The following DAPK2 variants were observed in gnomAD, a reference collection of about 807,000 sequenced individuals.
DAPK2 encodes death associated protein kinase 2.
DAPK2 carries 35 observed loss-of-function variants against 44.1 expected under a neutral mutation model. That is an observed-to-expected ratio of 0.79 (90% confidence interval 0.61 to 1.05). The LOEUF is 1.05. Among genes scored for constraint, DAPK2 ranks in the 50% least tolerant of loss-of-function variants. DAPK2 has a pLI of 0.00. For synonymous variants in DAPK2, 174 were observed against 182.6 expected (o/e 0.95, Z 0.38); for missense variants, 453 against 483.2 (o/e 0.94, Z 0.59).
chr15:63,946,283 G>A (rs1258674472), intron 3 of DAPK2, among the ~76,000 whole-genome samples: 1 of 152,250 alleles, frequency 6.6e-6, no homozygotes, highest in Non-Finnish European at 1.5e-5. Flanking sequence ...CCCATGGCCT[G>A]TGGGCCCAGC....
At chr15:64,002,950 GTGTGTGTGTGTGTGTC>G (rs1475514742) in intron 1 of DAPK2, among the ~76,000 whole-genome samples, 2 of 134,608 alleles carry the variant, frequency 1.5e-5, no homozygotes, top group African/African-American at 5.6e-5. Context: ...GTGTGTGTGT[GTGTGTGTGTGTGTGTC>G]GTGGGACCTG....
chr15:64,036,804 G>C (rs2080224390), intron 1 of DAPK2, among the ~76,000 whole-genome samples: 1 of 152,112 alleles, frequency 6.6e-6, no homozygotes, highest in Admixed American at 6.6e-5. Context: ...CCAGACATCA[G>C]GATGATCCCC....
At chr15:63,961,665 T>C (rs2077904092) in intron 3 of DAPK2, among the ~76,000 whole-genome samples, 1 of 152,250 alleles carries the variant, frequency 6.6e-6, no homozygotes, top group African/African-American at 2.4e-5. Flanking sequence ...TGTTGAATAT[T>C]GGCCCCCACT....
intron 2 of DAPK2, among the ~76,000 whole-genome samples, chr15:63,982,187 C>CTTTTTTTTTTTTTTTTTTTTTT: frequency 9.3e-6 from 1 of 107,874 alleles, no homozygotes; most frequent in Non-Finnish European, 1.8e-5. Context: ...TCAGAATATT[C>CTTTTTTTTTTTTTTTTTTTTTT]TTTTTTTTTT....
At chr15:63,958,636 T>C (rs2077796022) in intron 3 of DAPK2, among the ~76,000 whole-genome samples, 1 of 152,214 alleles carries the variant, frequency 6.6e-6, no homozygotes. Flanking sequence ...CTTGTTTTTG[T>C]CAGGTTTGTC....
chr15:64,018,583 G>A (rs332285), intron 1 of DAPK2, among the ~76,000 whole-genome samples: 148,021 of 152,222 alleles, frequency 0.97, 72,110 homozygotes, highest in East Asian at 1. Flanking sequence ...CACCTGTCCC[G>A]TGGTTCTCTG....
intron 1 of DAPK2, among the ~76,000 whole-genome samples, chr15:64,032,108 C>T (rs557216113): frequency 1.6e-3 from 236 of 152,238 alleles, no homozygotes; most frequent in African/African-American, 5.3e-3. Context: ...GTAGAGGAGA[C>T]GGACAGATAA....
At chr15:63,976,728 G>A (rs1219430158) in intron 2 of DAPK2, among the ~76,000 whole-genome samples, 1 of 152,182 alleles carries the variant, frequency 6.6e-6, no homozygotes, top group Non-Finnish European at 1.5e-5. Flanking sequence ...AAAAAAACAG[G>A]TTGAGATGTG....
At chr15:64,029,967 G>A (rs1276262457) in intron 1 of DAPK2, 1 of 152,674 alleles carries the variant, frequency 6.5e-6, no homozygotes, top group African/African-American at 2.4e-5. Context: ...CTGGTGTAGG[G>A]AGCCCCTCTC....
At chr15:64,031,289 G>C (rs1360911979) in intron 1 of DAPK2, among the ~76,000 whole-genome samples, 1 of 151,484 alleles carries the variant, frequency 6.6e-6, no homozygotes, top group East Asian at 1.9e-4. Context: ...CAGGAGTGTA[G>C]TGGTGCAATC....
At chr15:63,907,770 A>G (rs902683248) in exon 11 of DAPK2, 1 of 152,212 alleles carries the variant, frequency 6.6e-6, no homozygotes, top group Non-Finnish European at 1.5e-5. Flanking sequence ...GGAAGCAAGG[A>G]GGAGGCAGGC....
rs1311045259 is a variant in DAPK2, at chr15:63,990,882, A to G, written c.93-7128T>C. Among the ~76,000 whole-genome samples, 1 of 152,118 alleles carries G rather than the reference A, an allele frequency of 6.6e-6. No homozygotes were observed. The highest frequency in any genetic ancestry group is 1.5e-5 in the Non-Finnish European group (1 of 68,018). On this transcript the variant is annotated intron_variant, in intron 1 of 10. Coordinates refer to ENST00000261891, the Ensembl canonical transcript of DAPK2. The surrounding 1 kb of genome is among the most constrained non-coding windows in gnomAD (Gnocchi z 4.3). Reference sequence around the variant, plus strand: ...AACCAGGTCAGCCTGATCCCGGAGGACCCACACCCACATCCCACAGCCACA... The same window carrying G: ...AACCAGGTCAGCCTGATCCCGGAGGGCCCACACCCACATCCCACAGCCACA...
intron 1 of DAPK2, among the ~76,000 whole-genome samples, chr15:64,022,825 T>C (rs896811899): frequency 2.0e-5 from 3 of 152,040 alleles, no homozygotes; most frequent in African/African-American, 7.2e-5. Context: ...TGAAGAATAC[T>C]TGTGTGTGTG....
At chr15:63,969,551 G>A (rs2078150114) in intron 3 of DAPK2, among the ~76,000 whole-genome samples, 1 of 152,064 alleles carries the variant, frequency 6.6e-6, no homozygotes, top group Non-Finnish European at 1.5e-5. Context: ...ACCAGCCTGG[G>A]CAAACATGGC....
At chr15:63,950,152 A>G (rs781484251) in intron 3 of DAPK2, among the ~76,000 whole-genome samples, 12 of 152,260 alleles carry the variant, frequency 7.9e-5, no homozygotes, top group South Asian at 2.1e-4. Context: ...ATGTATGCAC[A>G]TTCTATAGCA....
At chr15:63,977,365 T>G (rs2078382920) in intron 2 of DAPK2, among the ~76,000 whole-genome samples, 1 of 152,124 alleles carries the variant, frequency 6.6e-6, no homozygotes, top group African/African-American at 2.4e-5. Flanking sequence ...CCCTCCCAGC[T>G]GCTGGAGTAA....
At chr15:63,959,953 G>T (rs182799481) in intron 3 of DAPK2, among the ~76,000 whole-genome samples, 1 of 152,254 alleles carries the variant, frequency 6.6e-6, no homozygotes, top group Middle Eastern at 3.4e-3. Context: ...TTGTACCTCT[G>T]GTAGAATTCG....
exon 1 of DAPK2, chr15:64,040,256 G>T: frequency 6.2e-7 from 1 of 1,613,784 alleles, no homozygotes; most frequent in Admixed American, 1.7e-5. Context: ...TTGAGGCCTG[G>T]AACATACAAT....
At chr15:63,957,989 C>T (rs2077774880) in intron 3 of DAPK2, among the ~76,000 whole-genome samples, 1 of 152,178 alleles carries the variant, frequency 6.6e-6, no homozygotes, top group African/African-American at 2.4e-5. Context: ...TAAAAGCATT[C>T]CTGTTTCTCC....
Sources: gnomAD v4.1 joint callset for allele counts (sites outside exome capture counted in the v4.1 genomes callset) on GRCh38, gnomAD v4.1.1 for gene constraint, Gnocchi (gnomAD v3.1) non-coding constraint, MANE v1.5 for transcripts, NCBI Gene and HGNC (gene_info 2026-07-23, HGNC 2026-07-21) for gene names.